Variants in PCDHA6 observed in about 807,000 individuals in gnomAD.
The protein encoded by PCDHA6 is protocadherin alpha-6.
A neutral mutation model predicts 60.3 loss-of-function variants in PCDHA6; 55 were observed. The ratio of observed to expected loss-of-function variants is 0.91; its 90% CI spans 0.73 to 1.14. The LOEUF is 1.14. PCDHA6 is among the 50% of genes most tolerant of loss of function. The pLI is 0.00. For synonymous variants in PCDHA6, 652 were observed against 557.9 expected (o/e 1.17, Z -2.38); for missense variants, 1,327 against 1,256.5 (o/e 1.06, Z -0.85).
chr5:140,854,011 A>T (rs1218448806), intron 1 of PCDHA6: 1 of 394,286 alleles, frequency 2.5e-6, no homozygotes, highest in Non-Finnish European at 3.6e-6. Context: ...AAAAAAAAAA[A>T]ATTAGCCGGG....
chr5:140,829,947 G>T lies in PCDHA6; in HGVS notation c.1856G>T (p.Arg619Leu). 3 of 1,613,996 alleles carry T rather than the reference G, an allele frequency of 1.9e-6. No homozygotes were observed. The highest frequency in any genetic ancestry group is 1.1e-5 in the South Asian group (1 of 91,076). Residue 619 changes from arginine (R) to leucine (L), a missense_variant, in exon 1 of 4, where the codon CGC becomes CTC. Arg to Leu is a moderately radical substitution (Grantham distance 102). Transcript: ENST00000529310. ...YELQPPASSA[R>L]FPFRVGLYTG... ...CTGCAGCCCCCGGCAAGCAGCGCTC[G>T]CTTCCCGTTTCGCGTGGGGCTGTAC... is the stretch of plus-strand genomic sequence containing the variant.
intron 1 of PCDHA6, chr5:140,853,757 T>G: frequency 1.0e-6 from 1 of 988,514 alleles, no homozygotes; most frequent in East Asian, 1.1e-4. Context: ...AGGCTCCACC[T>G]CAGAAATTCT....
chr5:140,838,732 T>G (rs2150291924), intron 1 of PCDHA6, among the ~76,000 whole-genome samples: 1 of 152,114 alleles, frequency 6.6e-6, no homozygotes, highest in African/African-American at 2.4e-5. Context: ...GTCTAGTAGT[T>G]TGAGACCAGC....
intron 1 of PCDHA6, among the ~76,000 whole-genome samples, chr5:140,937,911 CA>C (rs200797202): frequency 0.5 from 59,181 of 117,836 alleles, 12,230 homozygotes; most frequent in African/African-American, 0.63. Flanking sequence ...GACTCCGTCT[CA>C]AAAAAAAAAA....
intron 1 of PCDHA6, among the ~76,000 whole-genome samples, chr5:140,973,646 A>C (rs1413605589): frequency 1.3e-5 from 2 of 152,216 alleles, no homozygotes; most frequent in African/African-American, 4.8e-5. Flanking sequence ...TTCTGACTGA[A>C]GAAGAAATCT....
chr5:140,863,082 G>A (rs1424614073), intron 1 of PCDHA6: 2 of 572,800 alleles, frequency 3.5e-6, no homozygotes, highest in Non-Finnish European at 6.9e-6. Flanking sequence ...GCACGGGCGA[G>A]ATCAGCACGA....
At chr5:140,969,149 G>A (rs782510891) in intron 1 of PCDHA6, 89 of 1,614,002 alleles carry the variant, frequency 5.5e-5, no homozygotes, top group Non-Finnish European at 6.8e-5. Context: ...CTGCTACAAG[G>A]CCTGTCTGAC....
chr5:140,941,255 C>CTTTCTTTTTCTT (rs782490896), intron 1 of PCDHA6, among the ~76,000 whole-genome samples: 1 of 44,508 alleles, frequency 2.2e-5, no homozygotes, highest in Non-Finnish European at 5.1e-5. Context: ...TTCTTTCTTT[C>CTTTCTTTTTCTT]TCTTTCTTTC....
chr5:140,867,150 G>C lies in PCDHA6; in HGVS notation c.2394+36665G>C, dbSNP rs1027648085. On this transcript the variant is annotated intron_variant, in intron 1 of 3. Coordinates refer to ENST00000529310, the MANE Select transcript of PCDHA6 (RefSeq NM_018909.4). ...AATATGTGATATTATCATTTTTCCA[G>C]AGTAAACCTTCTAAGGTTCATTTCC... The C allele has an allele frequency of 2.0e-5, 3 of 152,068 alleles. No individual in the cohort carries two copies. The East Asian group carries it at 5.8e-4, about 29-fold the overall frequency. The allele number at this position is 152,068 out of a possible 1,614,324, so 9.4% of individuals were successfully genotyped here. A position where few individuals can be genotyped will look rare whatever the true frequency, so the allele number is the denominator to read the frequency against.
rs2150165886 is a variant in PCDHA6 at position 140,829,324 on chromosome 5, T to C, written c.1233T>C (p.Ser411=). 2.5e-4 allele frequency: 408 copies of C among 1,614,140 alleles called. 1 individual carries two copies. Among genetic ancestry groups the C allele is most frequent in the African/African-American group, 5.3e-4 (40 of 75,068 alleles). ...ATTACTACTCGTTGGTGCTGGACAG[T>C]GCCCTGGACCGCGAGAGCGTGTCGG... ...FKNYYSLVLD[S]ALDRESVSAY... The change falls in exon 1 of 4, where the codon AGT becomes AGC. Residue 411 remains serine, a synonymous_variant. Transcript: ENST00000529310.
intron 1 of PCDHA6, among the ~76,000 whole-genome samples, chr5:140,958,752 T>A (rs1423879082): frequency 6.6e-6 from 1 of 152,166 alleles, no homozygotes; most frequent in Non-Finnish European, 1.5e-5. Context: ...AAAGGAGATT[T>A]TTACCCATTT....
chr5:140,843,397 G>A lies in PCDHA6; in HGVS notation c.2394+12912G>A, dbSNP rs2150359226. 4 of 1,596,068 alleles carry A rather than the reference G, an allele frequency of 2.5e-6. No homozygotes were observed. In the East Asian group the frequency reaches 6.7e-5, roughly 27 times the overall value. On this transcript the variant is annotated intron_variant, in intron 1 of 3. Coordinates refer to ENST00000529310, the MANE Select transcript of PCDHA6 (RefSeq NM_018909.4). ...CTGGCGTTTTGGGTCCGGAAGCGGC[G>A]CTGGTGGATGTCAACGTGTACCTGA... is the stretch of plus-strand genomic sequence containing the variant.
chr5:140,883,091 G>A lies in PCDHA6; in HGVS notation c.2394+52606G>A, dbSNP rs782433695. The A allele has an allele frequency of 1.9e-6, 3 of 1,613,994 alleles. No individual in the cohort carries two copies. In the African/African-American group the frequency reaches 4.0e-5, roughly 22 times the overall value. ...CACAGATCCTGATGATGGTACAAAT[G>A]GAGATATAGTTTACTCATTTAGAAG... On this transcript the variant is annotated intron_variant, in intron 1 of 3. Coordinates refer to ENST00000529310, the MANE Select transcript of PCDHA6 (RefSeq NM_018909.4).
chr5:140,856,016 A>G (rs2043730978), intron 1 of PCDHA6: 2 of 1,550,936 alleles, frequency 1.3e-6, no homozygotes, highest in East Asian at 2.3e-5. Flanking sequence ...TAGACCGCTG[A>G]TTCGTCGATT....
chr5:140,926,835 T>C (rs2083586569), intron 1 of PCDHA6: 4 of 1,505,630 alleles, frequency 2.7e-6, no homozygotes, highest in East Asian at 2.3e-5. Context: ...GTCCGGAGCA[T>C]GGTCCTGGGT....
intron 1 of PCDHA6, chr5:140,863,366 C>A: frequency 8.4e-7 from 1 of 1,190,444 alleles, no homozygotes; most frequent in Non-Finnish European, 1.2e-6. Context: ...CGGTGCTTGG[C>A]GCAGCTCACC....
chr5:140,848,811 C>T (rs2150421189), intron 1 of PCDHA6: 1 of 1,591,760 alleles, frequency 6.3e-7, no homozygotes, highest in Non-Finnish European at 8.6e-7. Flanking sequence ...CAGCATCCAC[C>T]TGGAGGTGAT....
In PCDHA6 at chr5:140,893,987, T is replaced by C. The variant is rs112405686; in HGVS notation, c.2394+63502T>C. Among the ~76,000 whole-genome samples, 507 of 152,320 alleles carry C rather than the reference T, an allele frequency of 3.3e-3. 2 individuals carry two copies. The highest frequency in any genetic ancestry group is 0.012 in the African/African-American group (487 of 41,562). ...TAGATACTTTTATAATTTTAAAATA[T>C]CTCCAATTGTATGGTTGGTTCAAAT... is the stretch of plus-strand genomic sequence containing the variant. On this transcript the variant is annotated intron_variant, in intron 1 of 3. Transcript: ENST00000529310.
intron 1 of PCDHA6, among the ~76,000 whole-genome samples, chr5:140,976,851 T>C (rs1402328541): frequency 6.6e-6 from 1 of 152,206 alleles, no homozygotes; most frequent in African/African-American, 2.4e-5. Context: ...ATCCCTTTCA[T>C]AGAGTTTACT....
Sources: gnomAD v4.1 joint callset for allele counts (sites outside exome capture counted in the v4.1 genomes callset) on GRCh38, gnomAD v4.1.1 for gene constraint, MANE v1.5 for transcripts, NCBI Gene and HGNC (gene_info 2026-07-23, HGNC 2026-07-21) for gene names.